POU6F2: variants seen among roughly 807,000 people sequenced by gnomAD.
POU6F2 encodes the protein POU class 6 homeobox 2, also known as POU domain, class 6, transcription factor 2.
POU6F2 carries 31 observed loss-of-function variants against 71.3 expected under a neutral mutation model. That is an observed-to-expected ratio of 0.43 (90% confidence interval 0.33 to 0.59). The LOEUF is 0.59. Ranked by LOEUF, POU6F2 falls within the 20% of genes least tolerant of loss-of-function variation. The probability of loss-of-function intolerance (pLI) is 0.04; values close to 1 mark genes in which losing one functional copy is unlikely to be tolerated. For synonymous variants in POU6F2, 347 were observed against 355.7 expected, an observed-to-expected ratio of 0.98 and a Z score of 0.27; for missense variants, 783 against 856.8, an observed-to-expected ratio of 0.91 and a Z score of 1.07.
In POU6F2 at chr7:39,464,030, G is replaced by A. The variant is rs186033242; in HGVS notation, c.1659-152G>A. ...GTCTGGCATGGAGCACGCTGGGAGG[G>A]TGGGCGCTGGCTTGGGCAGGGCTGG... On this transcript the variant is annotated intron_variant, in intron 9 of 9. Coordinates refer to ENST00000518318, the MANE Select transcript of POU6F2 (RefSeq NM_001370959.1). The surrounding 1 kb of genome is among the most constrained non-coding windows in gnomAD (Gnocchi z 4.1). 1.0e-3 allele frequency among the ~76,000 whole-genome samples: 157 copies of A among 152,310 alleles called. 1 individual carries two copies. The highest frequency in any genetic ancestry group is 3.6e-3 in the African/African-American group (151 of 41,562).
intron 2 of POU6F2, among the ~76,000 whole-genome samples, chr7:39,146,962 A>C (rs1792637253): frequency 6.6e-6 from 1 of 152,102 alleles, no homozygotes; most frequent in African/African-American, 2.4e-5. Context: ...TATCTGGAAA[A>C]ATTAGGTTAT....
chr7:39,000,716 G>A (rs1788881180), intron 1 of POU6F2, among the ~76,000 whole-genome samples: 1 of 152,176 alleles, frequency 6.6e-6, no homozygotes, highest in Non-Finnish European at 1.5e-5. Flanking sequence ...TTTGTTTATA[G>A]AGTATCTAGA....
intron 1 of POU6F2, among the ~76,000 whole-genome samples, chr7:39,015,279 TTA>T (rs1202938341): frequency 9.4e-5 from 13 of 138,818 alleles, no homozygotes; most frequent in African/African-American, 3.1e-4. Flanking sequence ...ATGGTATCTA[TTA>T]TATAGAGATA....
chr7:39,014,070 A>G (rs1233863576), intron 1 of POU6F2, among the ~76,000 whole-genome samples: 1 of 152,210 alleles, frequency 6.6e-6, no homozygotes, highest in Non-Finnish European at 1.5e-5. Context: ...AGCTTAGCCT[A>G]CTATAGATTT....
chr7:39,453,306 T>TA lies in POU6F2; in HGVS notation c.1489+1616dup, dbSNP rs777345714. Among the ~76,000 whole-genome samples the TA allele has an allele frequency of 6.7e-4, 98 of 145,678 alleles. 1 individual carries two copies. Among genetic ancestry groups the TA allele is most frequent in the East Asian group, 5.2e-3 (26 of 5,048 alleles). The stretch of plus-strand genomic sequence containing the variant: ...TAATTATAGCCAGATTTCCCCTAAT[T>TA]AAAAAAAAAAACTTTTCCTCGGGAA... On this transcript the variant is annotated intron_variant, in intron 8 of 9. Coordinates refer to ENST00000518318, the MANE Select transcript of POU6F2 (RefSeq NM_001370959.1).
At chr7:39,077,246 A>G (rs774363634) in intron 1 of POU6F2, among the ~76,000 whole-genome samples, 24 of 152,232 alleles carry the variant, frequency 1.6e-4, no homozygotes, top group Admixed American at 3.3e-4. Flanking sequence ...TGTCAATACC[A>G]GTGTCTCCCT....
chr7:39,244,235 G>C (rs1783779661), intron 4 of POU6F2, among the ~76,000 whole-genome samples: 1 of 152,072 alleles, frequency 6.6e-6, no homozygotes, highest in Non-Finnish European at 1.5e-5. Flanking sequence ...TCTTTCTGAG[G>C]CATAGGCATA....
intron 4 of POU6F2, among the ~76,000 whole-genome samples, chr7:39,293,458 C>T (rs563117571): frequency 6.6e-6 from 1 of 152,292 alleles, no homozygotes; most frequent in South Asian, 2.1e-4. Context: ...GCTTGGGGCC[C>T]GTCGTTACTC....
At chr7:38,990,476 T>G (rs996994536) in intron 1 of POU6F2, among the ~76,000 whole-genome samples, 1 of 152,052 alleles carries the variant, frequency 6.6e-6, no homozygotes, top group Non-Finnish European at 1.5e-5. Context: ...CCAAATAGAG[T>G]GTACTCCTAA....
intron 5 of POU6F2, among the ~76,000 whole-genome samples, chr7:39,357,856 G>A (rs1274223303): frequency 6.6e-6 from 1 of 152,198 alleles, no homozygotes; most frequent in Non-Finnish European, 1.5e-5. Context: ...TTCAGAGTAC[G>A]AATTGCTCTA....
At chr7:39,443,420 A>G (rs982299423) in intron 7 of POU6F2, among the ~76,000 whole-genome samples, 1 of 152,228 alleles carries the variant, frequency 6.6e-6, no homozygotes, top group African/African-American at 2.4e-5. Flanking sequence ...TACCCAAGTC[A>G]TGGCAGGCAC....
intron 2 of POU6F2, among the ~76,000 whole-genome samples, chr7:39,137,853 G>A (rs571208109): frequency 6.6e-6 from 1 of 152,258 alleles, no homozygotes; most frequent in African/African-American, 2.4e-5. Context: ...TCTTGGGGGT[G>A]CAGGCCTTAA....
At chr7:39,140,083 T>C (rs1792463805) in intron 2 of POU6F2, among the ~76,000 whole-genome samples, 1 of 152,166 alleles carries the variant, frequency 6.6e-6, no homozygotes, top group African/African-American at 2.4e-5. Context: ...TTGTTACTTA[T>C]CCCTCCCCAC....
intron 6 of POU6F2, 101 bp from the exon 7 acceptor site, chr7:39,432,976 T>A: frequency 8.2e-7 from 1 of 1,216,738 alleles, no homozygotes; most frequent in East Asian, 2.5e-5. Context: ...CTGAGTCGGC[T>A]CCCAGGGAGC....
intron 6 of POU6F2, among the ~76,000 whole-genome samples, chr7:39,424,324 A>G (rs962474104): frequency 6.6e-6 from 1 of 152,220 alleles, no homozygotes; most frequent in Non-Finnish European, 1.5e-5. Flanking sequence ...TGACTCCCCC[A>G]TCTCCTATTT....
chr7:39,204,523 C>T (rs1355580437), intron 3 of POU6F2, among the ~76,000 whole-genome samples, 197 bp downstream of exon 3: 1 of 151,494 alleles, frequency 6.6e-6, no homozygotes. Context: ...CAAAACTCTT[C>T]TCTCTTCTTA....
At chr7:39,231,563 T>C (rs897105847) in intron 4 of POU6F2, among the ~76,000 whole-genome samples, 1 of 152,208 alleles carries the variant, frequency 6.6e-6, no homozygotes, top group African/African-American at 2.4e-5. Flanking sequence ...CTTTTCCTGA[T>C]TGACACATAG....
At chr7:39,041,927 G>A (rs1790201334) in intron 1 of POU6F2, among the ~76,000 whole-genome samples, 2 of 151,886 alleles carry the variant, frequency 1.3e-5, no homozygotes, top group Admixed American at 6.6e-5. Flanking sequence ...AGGAGGATTG[G>A]CTAATTTGAC....
chr7:39,090,807 A>G (rs1791348931), intron 2 of POU6F2, among the ~76,000 whole-genome samples: 1 of 152,220 alleles, frequency 6.6e-6, no homozygotes. Flanking sequence ...ATTTGGTAAT[A>G]GATTTATGCA....
Sources: allele counts gnomAD v4.1 joint callset (sites outside exome capture counted in the v4.1 genomes callset), GRCh38; gene constraint gnomAD v4.1.1; non-coding constraint Gnocchi (gnomAD v3.1); transcripts MANE v1.5; gene names NCBI Gene and HGNC (gene_info 2026-07-23, HGNC 2026-07-21).